Variants in FBXL13 observed in about 807,000 individuals in gnomAD.
FBXL13 encodes the protein F-box and leucine-rich repeat protein 13.
In FBXL13, 67 loss-of-function variants were observed where a neutral mutation model predicts 83.6. The observed-to-expected ratio is 0.80, with a 90% CI of 0.66 to 0.98. FBXL13 has a LOEUF of 0.98. FBXL13 is among the 50% of genes least tolerant of loss of function. The pLI is 0.00. For missense variants in FBXL13, 822 were observed against 866.5 expected (o/e 0.95, Z 0.64); for synonymous variants, 272 against 299.5 (o/e 0.91, Z 0.95).
intron 2 of FBXL13, among the ~76,000 whole-genome samples, chr7:103,037,998 C>T (rs983531530): frequency 4.6e-5 from 7 of 152,078 alleles, no homozygotes; most frequent in South Asian, 2.1e-4. Flanking sequence ...GGTAGGGCAT[C>T]GCCTCACCCA....
chr7:103,003,515 G>C (rs974780789), intron 6 of FBXL13, among the ~76,000 whole-genome samples: 1 of 151,916 alleles, frequency 6.6e-6, no homozygotes, highest in African/African-American at 2.4e-5. Context: ...TCAAACTGCT[G>C]ACCTCGTGAT....
chr7:102,934,692 A>G (rs780414807), intron 8 of FBXL13: 2 of 1,563,036 alleles, frequency 1.3e-6, no homozygotes, highest in Non-Finnish European at 8.6e-7. Flanking sequence ...AAAGGTTTGT[A>G]CTTTTCTTAC....
intron 1 of FBXL13, among the ~76,000 whole-genome samples, chr7:103,066,900 C>T (rs1334038750): frequency 6.6e-6 from 1 of 150,942 alleles, no homozygotes; most frequent in African/African-American, 2.4e-5. Flanking sequence ...CAAGAGACTC[C>T]CCTGCCTCAG....
chr7:102,915,120 A>ATTT (rs1160559115), intron 10 of FBXL13, among the ~76,000 whole-genome samples: 1 of 139,446 alleles, frequency 7.2e-6, no homozygotes, highest in East Asian at 2.2e-4. Flanking sequence ...GGAGATTAAA[A>ATTT]TATTTTTTTT....
At chr7:102,841,734 G>T (rs929180730) in intron 17 of FBXL13, among the ~76,000 whole-genome samples, 1 of 152,198 alleles carries the variant, frequency 6.6e-6, no homozygotes, top group Non-Finnish European at 1.5e-5. Flanking sequence ...TTTGAAGAAA[G>T]AATAATGCCT....
intron 19 of FBXL13, among the ~76,000 whole-genome samples, chr7:102,818,848 A>G (rs1486609497): frequency 6.6e-6 from 1 of 152,190 alleles, no homozygotes; most frequent in Non-Finnish European, 1.5e-5. Flanking sequence ...GGTTTGTGAC[A>G]TAGGTAAACG....
chr7:103,060,020 TTA>T (rs772728840), intron 1 of FBXL13, among the ~76,000 whole-genome samples: 2,797 of 49,810 alleles, frequency 0.056, 41 homozygotes, highest in Non-Finnish European at 0.078. Context: ...GCAAGATATT[TTA>T]TATATATATA....
intron 1 of FBXL13, 103 bp from the exon 2 acceptor site, chr7:103,055,850 T>A (rs1159995407): frequency 2.1e-6 from 1 of 471,374 alleles, no homozygotes; most frequent in Admixed American, 3.6e-5. Flanking sequence ...GTTTTTTTGG[T>A]TTTTAATTAT....
At chr7:103,070,057 C>T (rs1266711310) in intron 1 of FBXL13, among the ~76,000 whole-genome samples, 4 of 134,772 alleles carry the variant, frequency 3.0e-5, no homozygotes, top group Non-Finnish European at 6.1e-5. Flanking sequence ...CCAGCCTGGG[C>T]GACAGTGCAA....
At chr7:103,062,463 ACAT>A (rs1798015479) in intron 1 of FBXL13, among the ~76,000 whole-genome samples, 1 of 152,208 alleles carries the variant, frequency 6.6e-6, no homozygotes, top group South Asian at 2.1e-4. Context: ...AATAGAGGGC[ACAT>A]TAAGCTAATT....
chr7:103,011,653 A>G (rs1288764602), intron 6 of FBXL13, among the ~76,000 whole-genome samples: 3 of 151,530 alleles, frequency 2.0e-5, no homozygotes, highest in African/African-American at 7.3e-5. Flanking sequence ...AAAAAAAAAA[A>G]GAAACAAACA....
At chr7:102,839,605 G>A (rs535549279) in intron 17 of FBXL13, among the ~76,000 whole-genome samples, 95 of 152,138 alleles carry the variant, frequency 6.2e-4, no homozygotes, top group Middle Eastern at 3.4e-3. Flanking sequence ...CTGCCACCAC[G>A]CCCAGCTAAT....
intron 19 of FBXL13, chr7:102,814,194 T>G (rs1797681759): frequency 6.6e-6 from 1 of 152,234 alleles, no homozygotes; most frequent in Non-Finnish European, 1.5e-5. Flanking sequence ...AAGAATTTCC[T>G]TTCCTAGAAA....
intron 2 of FBXL13, among the ~76,000 whole-genome samples, chr7:103,029,928 T>TA (rs749831463): frequency 6.6e-5 from 10 of 152,190 alleles, no homozygotes; most frequent in Non-Finnish European, 1.5e-4. Flanking sequence ...ATTTATCACT[T>TA]ACAACTATTC....
At chr7:102,954,932 CAAT>C (rs1824009026) in intron 8 of FBXL13, among the ~76,000 whole-genome samples, 1 of 152,118 alleles carries the variant, frequency 6.6e-6, no homozygotes, top group African/African-American at 2.4e-5. Flanking sequence ...GACTCCCACA[CAAT>C]AATAAGGGGA....
intron 17 of FBXL13, among the ~76,000 whole-genome samples, chr7:102,851,940 C>T (rs1481622074): frequency 2.0e-5 from 3 of 152,132 alleles, no homozygotes; most frequent in Non-Finnish European, 4.4e-5. Flanking sequence ...TTATCTCATG[C>T]TTTCCATTCC....
chr7:102,833,778 C>T (rs1801170315), intron 17 of FBXL13, among the ~76,000 whole-genome samples: 3 of 151,834 alleles, frequency 2.0e-5, no homozygotes, highest in African/African-American at 7.3e-5. Flanking sequence ...TTTTGAAATG[C>T]TGAAATGTTC....
intron 19 of FBXL13, among the ~76,000 whole-genome samples, chr7:102,816,700 T>C (rs1798054707): frequency 6.6e-6 from 1 of 152,208 alleles, no homozygotes; most frequent in African/African-American, 2.4e-5. Flanking sequence ...TGGGCTGCTA[T>C]TGAACCCATC....
intron 2 of FBXL13, among the ~76,000 whole-genome samples, chr7:103,039,234 C>G (rs1421123685): frequency 6.6e-6 from 1 of 151,722 alleles, no homozygotes; most frequent in East Asian, 1.9e-4. Flanking sequence ...GATTGAAGAT[C>G]AAATTAATGA....
Sources: allele counts gnomAD v4.1 joint callset (sites outside exome capture counted in the v4.1 genomes callset), GRCh38; gene constraint gnomAD v4.1.1; transcripts MANE v1.5; gene names NCBI Gene and HGNC (gene_info 2026-07-23, HGNC 2026-07-21).